STK33: variants seen among roughly 807,000 people sequenced by gnomAD.
The protein encoded by STK33 is serine/threonine kinase 33.
In STK33, 52 loss-of-function variants were observed where a neutral mutation model predicts 58.0. The ratio of observed to expected loss-of-function variants is 0.90; its 90% CI spans 0.72 to 1.13. The LOEUF is 1.13. Among genes scored for constraint, STK33 ranks in the 50% most tolerant of loss-of-function variants. STK33 has a pLI of 0.00. For missense variants in STK33, 630 were observed against 604.2 expected (o/e 1.04, Z -0.45); for synonymous variants, 215 against 200.1 (o/e 1.07, Z -0.63).
chr11:8,528,136 T>C (rs1301824706), intron 1 of STK33, among the ~76,000 whole-genome samples: 1 of 152,190 alleles, frequency 6.6e-6, no homozygotes, highest in Non-Finnish European at 1.5e-5. Flanking sequence ...ATGCGAGTTA[T>C]GCAAAAGGTA....
intron 1 of STK33, among the ~76,000 whole-genome samples, chr11:8,577,451 T>C (rs1283962333): frequency 6.6e-6 from 1 of 152,168 alleles, no homozygotes; most frequent in East Asian, 1.9e-4. Flanking sequence ...GCTTATTATT[T>C]AGTATTTATG....
intron 1 of STK33, among the ~76,000 whole-genome samples, chr11:8,551,820 G>A (rs921090656): frequency 6.6e-6 from 1 of 152,178 alleles, no homozygotes; most frequent in Admixed American, 6.5e-5. Context: ...TTCTAGGTCA[G>A]GGGAAGGCTT....
At chr11:8,413,138 G>T (rs1366659893) in intron 15 of STK33, among the ~76,000 whole-genome samples, 1 of 152,096 alleles carries the variant, frequency 6.6e-6, no homozygotes, top group Non-Finnish European at 1.5e-5. Flanking sequence ...AGTTGAGTTG[G>T]AACATGGCCA....
chr11:8,447,458 T>C (rs1448608997), intron 11 of STK33, among the ~76,000 whole-genome samples: 2 of 152,054 alleles, frequency 1.3e-5, no homozygotes, highest in Non-Finnish European at 1.5e-5. Context: ...GGGCTTCATC[T>C]CTGGGATACA....
intron 1 of STK33, among the ~76,000 whole-genome samples, chr11:8,514,995 C>CA (rs1952648376): frequency 6.6e-6 from 1 of 151,928 alleles, no homozygotes; most frequent in Non-Finnish European, 1.5e-5. Flanking sequence ...CTGAAAAATG[C>CA]AATTGCAAAA....
chr11:8,446,350 G>A (rs1945462400), intron 11 of STK33, among the ~76,000 whole-genome samples: 1 of 152,010 alleles, frequency 6.6e-6, no homozygotes, highest in Non-Finnish European at 1.5e-5. Context: ...TTGATTGTTT[G>A]AAGGGTTTTT....
In STK33 at chr11:8,449,574, T is replaced by A. The variant is rs1046196729; in HGVS notation, c.871+3248A>T. On this transcript the variant is annotated intron_variant, in intron 11 of 15. Coordinates refer to ENST00000687296, the MANE Select transcript of STK33 (RefSeq NM_001352389.2). ...GCATGTTCTCACTCATAGGTGGGAA[T>A]TGAACGATGAGAACACATGGACACA... is the stretch of plus-strand genomic sequence containing the variant. Among the ~76,000 whole-genome samples, 3 of 146,892 alleles carry A rather than the reference T, an allele frequency of 2.0e-5. 1 individual carries two copies. Among genetic ancestry groups the A allele is most frequent in the African/African-American group, 7.8e-5 (3 of 38,682 alleles).
intron 6 of STK33, among the ~76,000 whole-genome samples, chr11:8,472,447 A>G (rs966343216): frequency 6.6e-6 from 1 of 152,144 alleles, no homozygotes; most frequent in Middle Eastern, 3.2e-3. Flanking sequence ...CCTAATTTCA[A>G]TATTTTTGTG....
At chr11:8,460,183 GGCATC>G (rs1348250727) in intron 8 of STK33, among the ~76,000 whole-genome samples, 1 of 151,962 alleles carries the variant, frequency 6.6e-6, no homozygotes, top group Non-Finnish European at 1.5e-5. Context: ...CACAACATCT[GGCATC>G]TGGCCAAAAA....
chr11:8,558,711 C>T (rs985496359), intron 1 of STK33, among the ~76,000 whole-genome samples: 2 of 152,246 alleles, frequency 1.3e-5, no homozygotes, highest in East Asian at 1.9e-4. Flanking sequence ...TGTGTTCCTG[C>T]TGGGCTCGGT....
intron 1 of STK33, among the ~76,000 whole-genome samples, chr11:8,483,026 C>A (rs924627129): frequency 6.6e-6 from 1 of 152,074 alleles, no homozygotes; most frequent in Non-Finnish European, 1.5e-5. Flanking sequence ...CCAACGCACC[C>A]GGCCAGCAGC....
intron 15 of STK33, among the ~76,000 whole-genome samples, chr11:8,398,896 C>A (rs1774722501): frequency 6.6e-6 from 1 of 152,070 alleles, no homozygotes; most frequent in South Asian, 2.1e-4. Context: ...GTAAAGGGAT[C>A]AATTCAACAA....
At chr11:8,581,178 C>G (rs2030150650) in intron 1 of STK33, among the ~76,000 whole-genome samples, 1 of 152,080 alleles carries the variant, frequency 6.6e-6, no homozygotes, top group Admixed American at 6.6e-5. Context: ...TTAACCCAAT[C>G]CCCCTCACAC....
At chr11:8,441,846 T>C (rs893200518) in intron 11 of STK33, among the ~76,000 whole-genome samples, 2 of 152,144 alleles carry the variant, frequency 1.3e-5, no homozygotes, top group Non-Finnish European at 2.9e-5. Flanking sequence ...TTGTATGAAG[T>C]ATGTTAAGAA....
rs558492118 is a variant in STK33, at chr11:8,515,291, G to T, written c.-465-34677C>A. ...AAGAGACTACTACGAACAATTATAC[G>T]CCAACAAACTGGATAACCTAGAAGA... is the stretch of plus-strand genomic sequence containing the variant. On this transcript the variant is annotated intron_variant, in intron 1 of 15. Transcript: ENST00000687296. Among the ~76,000 whole-genome samples, 5 of 152,164 alleles carry T rather than the reference G, an allele frequency of 3.3e-5. No individual in the cohort carries two copies. The East Asian group carries it at 7.7e-4, about 23-fold the overall frequency.
the STK33 span, among the ~76,000 whole-genome samples, chr11:8,369,331 GTA>G: frequency 8.9e-5 from 13 of 146,464 alleles, no homozygotes; most frequent in African/African-American, 3.1e-4. Flanking sequence ...GTGTGTGTGT[GTA>G]TAATCAGAAA....
At chr11:8,490,675 T>C (rs566868354) in intron 1 of STK33, among the ~76,000 whole-genome samples, 10 of 152,186 alleles carry the variant, frequency 6.6e-5, no homozygotes, top group East Asian at 1.9e-4. Flanking sequence ...AGGGGGCTGA[T>C]TGACACCTCA....
intron 2 of STK33, among the ~76,000 whole-genome samples, chr11:8,479,618 C>T (rs1344616327): frequency 6.6e-6 from 1 of 151,822 alleles, no homozygotes; most frequent in Non-Finnish European, 1.5e-5. Flanking sequence ...GGAGGCAGGC[C>T]GATCACTTGC....
intron 1 of STK33, among the ~76,000 whole-genome samples, chr11:8,531,372 T>A (rs1954535898): frequency 6.6e-6 from 1 of 152,236 alleles, no homozygotes; most frequent in Non-Finnish European, 1.5e-5. Flanking sequence ...ACTTAGTGGT[T>A]TAAAACAATT....
Sources: allele counts gnomAD v4.1 joint callset (sites outside exome capture counted in the v4.1 genomes callset), GRCh38; gene constraint gnomAD v4.1.1; transcripts MANE v1.5; gene names NCBI Gene and HGNC (gene_info 2026-07-23, HGNC 2026-07-21).